NRXN3: variants seen among roughly 807,000 people sequenced by gnomAD.
NRXN3 encodes neurexin 3.
A neutral mutation model predicts 137.6 loss-of-function variants in NRXN3; 32 were observed. The ratio of observed to expected loss-of-function variants is 0.23; its 90% CI spans 0.18 to 0.31. The LOEUF is 0.31. Ranked by LOEUF, NRXN3 falls within the 10% of genes least tolerant of loss-of-function variation. NRXN3 has a pLI of 1.00. For missense variants in NRXN3, 1,574 were observed against 2,062.5 expected, an observed-to-expected ratio of 0.76 and a Z score of 4.59; for synonymous variants, 798 against 784.5, an observed-to-expected ratio of 1.02 and a Z score of -0.29.
intron 15 of NRXN3, among the ~76,000 whole-genome samples, chr14:79,318,919 A>G (rs1157811511): frequency 6.6e-6 from 1 of 152,114 alleles, no homozygotes; most frequent in Non-Finnish European, 1.5e-5. Flanking sequence ...CTTGTGGTTC[A>G]TACCCTAATC....
At chr14:78,577,980 G>A (rs1246133485) in intron 4 of NRXN3, among the ~76,000 whole-genome samples, 2 of 152,124 alleles carry the variant, frequency 1.3e-5, no homozygotes, top group Non-Finnish European at 2.9e-5. Flanking sequence ...TCTGCTGATT[G>A]TGGGTTCACA....
intron 15 of NRXN3, among the ~76,000 whole-genome samples, chr14:79,092,024 A>C (rs1307491415): frequency 2.6e-5 from 4 of 152,176 alleles, no homozygotes; most frequent in Non-Finnish European, 5.9e-5. Flanking sequence ...AGGATGATAA[A>C]TTAGCTGCAT....
chr14:79,227,776 T>TCCTTCCTC (rs2071256846), intron 15 of NRXN3, among the ~76,000 whole-genome samples: 1 of 121,906 alleles, frequency 8.2e-6, no homozygotes, highest in Non-Finnish European at 1.8e-5. Context: ...CTTCCTTCCT[T>TCCTTCCTC]CCTTCCTTCC....
At chr14:79,720,427 G>T (rs1233489801) in intron 19 of NRXN3, among the ~76,000 whole-genome samples, 1 of 152,064 alleles carries the variant, frequency 6.6e-6, no homozygotes, top group East Asian at 1.9e-4. Context: ...GTTTCACTCT[G>T]CCAGGCTCCT....
At chr14:78,307,014 G>A (rs1233917468) in intron 4 of NRXN3, among the ~76,000 whole-genome samples, 1 of 152,036 alleles carries the variant, frequency 6.6e-6, no homozygotes, top group African/African-American at 2.4e-5. Context: ...TATTTTAAAG[G>A]GAAATTGTTA....
chr14:78,519,407 C>T (rs1227755790), intron 4 of NRXN3, among the ~76,000 whole-genome samples: 2 of 152,092 alleles, frequency 1.3e-5, no homozygotes, highest in Non-Finnish European at 2.9e-5. Context: ...TTATTCCATT[C>T]CATGGATACT....
At chr14:79,859,313 A>G (rs1048583815) in intron 20 of NRXN3, among the ~76,000 whole-genome samples, 6 of 152,166 alleles carry the variant, frequency 3.9e-5, no homozygotes, top group African/African-American at 1.4e-4. Flanking sequence ...CTAAACAGGG[A>G]GAGAATAAAG....
intron 4 of NRXN3, among the ~76,000 whole-genome samples, chr14:78,376,519 A>G (rs1021073702): frequency 6.6e-6 from 1 of 152,224 alleles, no homozygotes; most frequent in Non-Finnish European, 1.5e-5. Flanking sequence ...TATATATAAG[A>G]AGACTCTGAA....
intron 15 of NRXN3, among the ~76,000 whole-genome samples, chr14:79,151,451 G>A (rs769141168): frequency 6.6e-5 from 10 of 152,024 alleles, no homozygotes; most frequent in East Asian, 1.9e-4. Flanking sequence ...GCCACTCATC[G>A]TTCCATCAGA....
intron 10 of NRXN3, among the ~76,000 whole-genome samples, chr14:78,881,986 G>C (rs1000925169): frequency 6.6e-6 from 1 of 151,678 alleles, no homozygotes; most frequent in African/African-American, 2.4e-5. Context: ...TTGAGTCCCA[G>C]CTGCTCCAGC....
chr14:78,938,848 C>CTTTCTTT (rs2099347125), intron 10 of NRXN3, among the ~76,000 whole-genome samples: 12 of 132,026 alleles, frequency 9.1e-5, no homozygotes, highest in Admixed American at 3.8e-4. Flanking sequence ...AGTGATTTTT[C>CTTTCTTT]TTTTTTTTTT....
intron 5 of NRXN3, among the ~76,000 whole-genome samples, chr14:78,648,522 C>A (rs1480079881): frequency 6.6e-6 from 1 of 152,146 alleles, no homozygotes; most frequent in Non-Finnish European, 1.5e-5. Context: ...AAAGAAGATT[C>A]TAATTTTTTT....
intron 10 of NRXN3, among the ~76,000 whole-genome samples, chr14:78,908,719 G>A (rs1358294262): frequency 6.6e-6 from 1 of 151,918 alleles, no homozygotes; most frequent in Non-Finnish European, 1.5e-5. Flanking sequence ...TTTGAATAGA[G>A]GCCCTATCAG....
chr14:79,513,901 ATGT>A (rs573724511), intron 16 of NRXN3, among the ~76,000 whole-genome samples: 92 of 152,314 alleles, frequency 6.0e-4, no homozygotes, highest in African/African-American at 2.1e-3. Context: ...TATAAGTTTA[ATGT>A]TGTTCAAAAA....
At chr14:79,214,362 A>G (rs1160120353) in intron 15 of NRXN3, among the ~76,000 whole-genome samples, 1 of 152,228 alleles carries the variant, frequency 6.6e-6, no homozygotes, top group Non-Finnish European at 1.5e-5. Flanking sequence ...TTGATTCTAA[A>G]GTGGTCTTTG....
At chr14:78,735,646 G>A (rs2098537982) in intron 8 of NRXN3, among the ~76,000 whole-genome samples, 1 of 152,146 alleles carries the variant, frequency 6.6e-6, no homozygotes, top group Non-Finnish European at 1.5e-5. Flanking sequence ...AAGGGATCAA[G>A]CAGGAGAGGT....
intron 4 of NRXN3, among the ~76,000 whole-genome samples, chr14:78,550,313 A>C (rs2096674894): frequency 6.6e-6 from 1 of 152,118 alleles, no homozygotes; most frequent in African/African-American, 2.4e-5. Flanking sequence ...GATATGCTGC[A>C]AGCCACTATG....
At chr14:78,215,936 C>T (rs959498250) in intron 1 of NRXN3, among the ~76,000 whole-genome samples, 3 of 152,174 alleles carry the variant, frequency 2.0e-5, no homozygotes, top group African/African-American at 7.2e-5. Context: ...AAAACTCAGC[C>T]TCAGCAGTGA....
chr14:79,091,246 C>G (rs901520310), intron 15 of NRXN3, among the ~76,000 whole-genome samples: 12 of 151,872 alleles, frequency 7.9e-5, no homozygotes, highest in Non-Finnish European at 1.5e-4. Context: ...AAAACTTTGA[C>G]CATGGAAAAG....
Sources: allele counts gnomAD v4.1 joint callset (sites outside exome capture counted in the v4.1 genomes callset), GRCh38; gene constraint gnomAD v4.1.1; transcripts MANE v1.5; gene names NCBI Gene and HGNC (gene_info 2026-07-23, HGNC 2026-07-21).